Variants in NMNAT2 observed in about 807,000 individuals in gnomAD.
NMNAT2 encodes nicotinamide nucleotide adenylyltransferase 2.
NMNAT2 carries 11 observed loss-of-function variants against 41.6 expected under a neutral mutation model. The ratio of observed to expected loss-of-function variants is 0.26; its 90% CI spans 0.17 to 0.44. The LOEUF (loss-of-function observed/expected upper bound fraction) is 0.44. NMNAT2 is among the 20% of genes least tolerant of loss of function. The probability of loss-of-function intolerance (pLI) is 1.00; values close to 1 mark genes in which losing one functional copy is unlikely to be tolerated. For synonymous variants in NMNAT2, 148 were observed against 151.2 expected (o/e 0.98, Z 0.16); for missense variants, 288 against 407.7 (o/e 0.71, Z 2.53).
intron 3 of NMNAT2, among the ~76,000 whole-genome samples, chr1:183,292,238 G>A (rs1661561882): frequency 6.6e-6 from 1 of 152,228 alleles, no homozygotes; most frequent in African/African-American, 2.4e-5. Flanking sequence ...GGTGGGTGGA[G>A]GTGCCTTCCT....
intron 1 of NMNAT2, among the ~76,000 whole-genome samples, chr1:183,321,182 T>C (rs976709422): frequency 4.6e-5 from 7 of 152,212 alleles, no homozygotes; most frequent in Non-Finnish European, 2.9e-5. Context: ...GACGGAATCC[T>C]TTAATTTCAA....
In NMNAT2 at chr1:183,260,100, A is replaced by G. The variant is rs572770066; in HGVS notation, c.821+902T>C. Among the ~76,000 whole-genome samples the G allele has an allele frequency of 2.6e-5, 4 of 152,270 alleles. No homozygotes were observed. The South Asian group carries it at 6.2e-4, about 24-fold the overall frequency. On this transcript the variant is annotated intron_variant, in intron 10 of 10. Coordinates refer to ENST00000287713, the MANE Select transcript of NMNAT2 (RefSeq NM_015039.4). ...AGAGCATCCTGAGTTTTATCTGGGC[A>G]TGTGGCTGCCTAGCTACAAAGTCTA...
At chr1:183,341,967 A>G (rs1422957189) in intron 1 of NMNAT2, among the ~76,000 whole-genome samples, 6 of 151,360 alleles carry the variant, frequency 4.0e-5, no homozygotes, top group African/African-American at 1.5e-4. Context: ...TTGAGGGGGA[A>G]GTTTCCTCCC....
At chr1:183,366,208 T>G (rs545691620) in intron 1 of NMNAT2, among the ~76,000 whole-genome samples, 2 of 152,226 alleles carry the variant, frequency 1.3e-5, no homozygotes, top group Admixed American at 1.3e-4. Flanking sequence ...TATTCTGCTA[T>G]TTATGTATTA....
intron 1 of NMNAT2, among the ~76,000 whole-genome samples, chr1:183,315,389 G>A (rs1452565677): frequency 6.7e-6 from 1 of 149,886 alleles, no homozygotes; most frequent in East Asian, 2.2e-4. Context: ...CACGCATGTC[G>A]GTAACATGTG....
intron 1 of NMNAT2, among the ~76,000 whole-genome samples, chr1:183,323,960 T>C (rs949922567): frequency 1.3e-5 from 2 of 152,172 alleles, no homozygotes; most frequent in South Asian, 2.1e-4. Flanking sequence ...GGTTTAAGAA[T>C]GAGCCAAAGT....
intron 1 of NMNAT2, among the ~76,000 whole-genome samples, chr1:183,369,232 G>A (rs1293302280): frequency 6.6e-6 from 1 of 151,116 alleles, no homozygotes; most frequent in South Asian, 2.1e-4. Flanking sequence ...ATCCTTTGAG[G>A]AAGGTATTCT....
chr1:183,260,113 G>A (rs558787340), intron 10 of NMNAT2, among the ~76,000 whole-genome samples: 1 of 152,272 alleles, frequency 6.6e-6, no homozygotes, highest in African/African-American at 2.4e-5. Context: ...TGGCTGCCTA[G>A]CTACAAAGTC....
intron 1 of NMNAT2, among the ~76,000 whole-genome samples, chr1:183,319,285 G>T (rs1662313467): frequency 6.6e-6 from 1 of 152,194 alleles, no homozygotes; most frequent in African/African-American, 2.4e-5. Flanking sequence ...TTTAGAAAAT[G>T]AAAGTCCTGC....
intron 1 of NMNAT2, among the ~76,000 whole-genome samples, chr1:183,315,554 C>T (rs1328068353): frequency 1.3e-5 from 2 of 151,804 alleles, no homozygotes; most frequent in African/African-American, 2.4e-5. Context: ...GAGGCCGAGG[C>T]GGGTGGATCA....
At chr1:183,286,612 C>A in intron 5 of NMNAT2, 50 bp downstream of exon 5, 1 of 1,506,224 alleles carries the variant, frequency 6.6e-7, no homozygotes, top group Non-Finnish European at 9.0e-7. Flanking sequence ...ATTTAACAAG[C>A]CCTCCACATG....
At chr1:183,334,002 G>A (rs888041783) in intron 1 of NMNAT2, among the ~76,000 whole-genome samples, 2 of 152,190 alleles carry the variant, frequency 1.3e-5, no homozygotes, top group Admixed American at 1.3e-4. Context: ...TAAGAAAGCC[G>A]AAAGGAGAAA....
At chr1:183,285,525 T>G (rs994972666) in intron 5 of NMNAT2, among the ~76,000 whole-genome samples, 5 of 152,252 alleles carry the variant, frequency 3.3e-5, no homozygotes, top group African/African-American at 1.2e-4. Context: ...TGTAGCTGTA[T>G]GCAAACTGTG....
rs184665218 is a variant in NMNAT2 at position 183,270,454 on chromosome 1, G to A, written c.651+8099C>T. ...CTTGCTGTAGCCCCTGCCACTCTCT[G>A]GAGGAAAGGCTGGGAGGAAACCAGT... On this transcript the variant is annotated intron_variant, in intron 8 of 10. Transcript: ENST00000287713. 3.7e-3 allele frequency among the ~76,000 whole-genome samples: 563 copies of A among 152,010 alleles called. 2 individuals are homozygous for A. The highest frequency in any genetic ancestry group is 5.8e-3 in the Non-Finnish European group (391 of 67,988).
intron 1 of NMNAT2, among the ~76,000 whole-genome samples, chr1:183,342,437 C>T (rs1662840204): frequency 6.6e-6 from 1 of 152,218 alleles, no homozygotes; most frequent in African/African-American, 2.4e-5. Flanking sequence ...TATCACAGTT[C>T]ACATCCTTCT....
At chr1:183,381,605 G>A (rs1206541986) in intron 1 of NMNAT2, among the ~76,000 whole-genome samples, 1 of 152,158 alleles carries the variant, frequency 6.6e-6, no homozygotes, top group South Asian at 2.1e-4. Flanking sequence ...GCTTAGGCAG[G>A]AGAATCGTTT....
intron 1 of NMNAT2, among the ~76,000 whole-genome samples, chr1:183,387,502 A>G (rs1245935077): frequency 2.0e-5 from 3 of 152,230 alleles, no homozygotes; most frequent in Non-Finnish European, 2.9e-5. Flanking sequence ...CAATTTGCCT[A>G]CAAGGTCTAA....
At chr1:183,371,930 C>T (rs1663553361) in intron 1 of NMNAT2, among the ~76,000 whole-genome samples, 1 of 152,074 alleles carries the variant, frequency 6.6e-6, no homozygotes, top group African/African-American at 2.4e-5. Flanking sequence ...CAGGCGTGCA[C>T]CACCACAGCC....
At chr1:183,295,971 C>A (rs1035474506) in intron 1 of NMNAT2, among the ~76,000 whole-genome samples, 5 of 152,170 alleles carry the variant, frequency 3.3e-5, no homozygotes, top group African/African-American at 1.2e-4. Context: ...GCCTCAGCCT[C>A]CCAAGTAGTT....
Sources: gnomAD v4.1 joint callset for allele counts (sites outside exome capture counted in the v4.1 genomes callset) on GRCh38, gnomAD v4.1.1 for gene constraint, MANE v1.5 for transcripts, NCBI Gene and HGNC (gene_info 2026-07-23, HGNC 2026-07-21) for gene names.